Variants in IAH1 observed in about 807,000 individuals in gnomAD.
IAH1 encodes the protein isoamyl acetate-hydrolyzing esterase 1 homolog.
A neutral mutation model predicts 26.7 loss-of-function variants in IAH1; 24 were observed. The ratio of observed to expected loss-of-function variants is 0.90; its 90% CI spans 0.65 to 1.26. The LOEUF (loss-of-function observed/expected upper bound fraction) is 1.26. Among genes scored for constraint, IAH1 ranks in the 50% most tolerant of loss-of-function variants. The pLI is 0.00. For missense variants in IAH1, 300 were observed against 299.9 expected, an observed-to-expected ratio of 1.00 and a Z score of 0.00; for synonymous variants, 140 against 118.5, an observed-to-expected ratio of 1.18 and a Z score of -1.18.
intron 1 of IAH1, chr2:9,475,619 G>A: frequency 3.7e-6 from 1 of 267,300 alleles, no homozygotes; most frequent in South Asian, 4.1e-5. Flanking sequence ...TCCTGCCTCA[G>A]CCTCCCGAGT....
the IAH1 span, among the ~76,000 whole-genome samples, chr2:9,511,936 C>T: frequency 1.3e-5 from 2 of 151,768 alleles, no homozygotes; most frequent in Non-Finnish European, 2.9e-5. Context: ...GGCCACTGAA[C>T]CCCCAGCCTG....
intron 4 of IAH1, among the ~76,000 whole-genome samples, chr2:9,482,238 G>A (rs923420932): frequency 6.6e-6 from 1 of 152,100 alleles, no homozygotes; most frequent in African/African-American, 2.4e-5. Flanking sequence ...ATGTTGGCCA[G>A]GCTGGTCTCG....
intron 5 of IAH1, among the ~76,000 whole-genome samples, chr2:9,487,250 T>C (rs999051185): frequency 2.2e-4 from 33 of 151,984 alleles, no homozygotes; most frequent in African/African-American, 7.0e-4. Context: ...TCCAAAAATA[T>C]GTGTATCTTT....
At chr2:9,495,773 T>A (rs1662541088) in intron 6 of IAH1, among the ~76,000 whole-genome samples, 1 of 152,062 alleles carries the variant, frequency 6.6e-6, no homozygotes, top group Non-Finnish European at 1.5e-5. Flanking sequence ...CTTGGACTTT[T>A]ACTGTGTCGG....
chr2:9,490,555 A>AGGGTG, downstream of IAH1: 1 of 1,569,770 alleles, frequency 6.4e-7, no homozygotes, highest in East Asian at 2.3e-5. Context: ...GATAGGAATA[A>AGGGTG]AAGATGAATC....
At chr2:9,494,522 A>G (rs548981385), downstream of IAH1, 12 of 1,233,746 alleles carry the variant, frequency 9.7e-6, no homozygotes, top group Admixed American at 2.5e-4. Flanking sequence ...ACAATGGGCC[A>G]GAAGGATGTA....
chr2:9,475,644 A>G, intron 1 of IAH1: 1 of 318,768 alleles, frequency 3.1e-6, no homozygotes, highest in South Asian at 3.2e-5. Flanking sequence ...GGGATTATAG[A>G]CGTGCGCCAC....
At chr2:9,491,033 T>TG, downstream of IAH1, 9 of 1,416,904 alleles carry the variant, frequency 6.4e-6, no homozygotes, top group Non-Finnish European at 8.9e-6. Context: ...CTGGGTCAGG[T>TG]GAAGGTCTTT....
chr2:9,487,837 C>T (rs62120290), intron 5 of IAH1, among the ~76,000 whole-genome samples: 9,632 of 72,978 alleles, frequency 0.13, 356 homozygotes, highest in Middle Eastern at 0.21. Flanking sequence ...TGTGTGTGCG[C>T]GCGCGCGCGC....
At chr2:9,474,384 C>T (rs1016797686), upstream of IAH1, 2 of 429,206 alleles carry the variant, frequency 4.7e-6, no homozygotes, top group African/African-American at 2.1e-5. The surrounding 1 kb of genome is among the most constrained non-coding windows in gnomAD (Gnocchi z 4.3). Flanking sequence ...GGCAGCCTTG[C>T]TGTGGGTGAG....
chr2:9,511,853 C>T, the IAH1 span, among the ~76,000 whole-genome samples: 3 of 151,874 alleles, frequency 2.0e-5, no homozygotes, highest in South Asian at 4.1e-4. Context: ...CGCCTGTAAT[C>T]GCAGCTATTT....
chr2:9,474,656 G>T lies in IAH1; in HGVS notation c.81+9G>T. 1 of 1,537,412 alleles carries T rather than the reference G, an allele frequency of 6.5e-7. No individual in the cohort carries two copies. ...GGGACTCCATCACCCAGGTACGGCCGCCCCGACGCTCGGCCTCCCGCCCCG... is the reference window on the plus strand; with the variant it reads ...GGGACTCCATCACCCAGGTACGGCCTCCCCGACGCTCGGCCTCCCGCCCCG... On this transcript the variant is annotated intron_variant, in intron 1 of 5. Transcript: ENST00000497473. This position sits in a 1 kb window ranked among gnomAD's most constrained non-coding sequence, Gnocchi z 4.3.
downstream of IAH1, among the ~76,000 whole-genome samples, chr2:9,491,461 C>T (rs1183093026): frequency 6.6e-6 from 1 of 152,242 alleles, no homozygotes; most frequent in African/African-American, 2.4e-5. Context: ...AGGCATCTTC[C>T]TGTGCATGAA....
chr2:9,498,194 T>TA (rs1467109753), downstream of IAH1, among the ~76,000 whole-genome samples: 1 of 150,296 alleles, frequency 6.7e-6, no homozygotes, highest in East Asian at 1.9e-4. Flanking sequence ...CATACCTGGC[T>TA]AATTTTCTTT....
chr2:9,490,477 G>A, downstream of IAH1: 1 of 1,614,100 alleles, frequency 6.2e-7, no homozygotes, highest in Non-Finnish European at 8.5e-7. Context: ...GTTTGATAAT[G>A]CGAACCGATG....
At chr2:9,511,382 G>C in the IAH1 span, among the ~76,000 whole-genome samples, 3 of 151,914 alleles carry the variant, frequency 2.0e-5, no homozygotes, top group Admixed American at 1.3e-4. Flanking sequence ...CCCAGGAGGC[G>C]GAGGTTGCAG....
intron 5 of IAH1, chr2:9,485,679 A>G (rs1239478130): frequency 6.5e-6 from 1 of 154,176 alleles, no homozygotes; most frequent in African/African-American, 2.4e-5. Context: ...GACTGCAGTA[A>G]CAGAACAGGT....
downstream of IAH1, among the ~76,000 whole-genome samples, chr2:9,494,358 A>G (rs1279038331): frequency 2.0e-5 from 3 of 152,208 alleles, no homozygotes; most frequent in East Asian, 5.8e-4. Flanking sequence ...AAACATAATT[A>G]GGACCCACTG....
rs548168779 is a variant in IAH1, at chr2:9,480,119, A to AT, written c.284-1164dup. Among the ~76,000 whole-genome samples the AT allele has an allele frequency of 2.3e-3, 354 of 152,136 alleles. 1 individual carries two copies. Among genetic ancestry groups the AT allele is most frequent in the African/African-American group, 8.2e-3 (341 of 41,536 alleles). On this transcript the variant is annotated intron_variant, in intron 3 of 5. Transcript: ENST00000497473. Reference sequence around the variant, plus strand: ...CAACCGCACCTGGCCGTGTATTGCTATTTATATATAACAGTAGATTACAAG... The same window carrying AT: ...CAACCGCACCTGGCCGTGTATTGCTATTTTATATATAACAGTAGATTACAAG...
Sources: allele counts gnomAD v4.1 joint callset (sites outside exome capture counted in the v4.1 genomes callset), GRCh38; gene constraint gnomAD v4.1.1; non-coding constraint Gnocchi (gnomAD v3.1); transcripts MANE v1.5; gene names NCBI Gene and HGNC (gene_info 2026-07-23, HGNC 2026-07-21).